The following TENM2 variants were observed in gnomAD, a reference collection of about 807,000 sequenced individuals.
TENM2 encodes the protein teneurin-2.
In TENM2, 52 loss-of-function variants were observed where a neutral mutation model predicts 245.2. The observed-to-expected ratio is 0.21, with a 90% CI of 0.17 to 0.27. The LOEUF (loss-of-function observed/expected upper bound fraction) is 0.27, where lower values mean the gene tolerates loss of function less well. Ranked by LOEUF, TENM2 falls within the 10% of genes least tolerant of loss-of-function variation. TENM2 has a pLI of 1.00. For missense variants in TENM2, 3,046 were observed against 3,666.8 expected, an observed-to-expected ratio of 0.83 and a Z score of 4.37; for synonymous variants, 1,363 against 1,438.9, an observed-to-expected ratio of 0.95 and a Z score of 1.19.
In TENM2 at chr5:168,004,214, G is replaced by T. The variant is rs545956069; in HGVS notation, c.1186+11032G>T. 3.3e-5 allele frequency among the ~76,000 whole-genome samples: 5 copies of T among 152,258 alleles called. No individual in the cohort carries two copies. In the South Asian group the frequency reaches 1.0e-3, roughly 32 times the overall value. ...GATTTGTAAAAAAATCTACATAAGG[G>T]AGAATTATTTTATACCAGACCCTTC... On this transcript the variant is annotated intron_variant, in intron 5 of 28. Coordinates refer to ENST00000518659, the Ensembl canonical transcript of TENM2.
chr5:168,041,028 G>T (rs1400254275), intron 5 of TENM2, among the ~76,000 whole-genome samples: 12 of 152,196 alleles, frequency 7.9e-5, no homozygotes, highest in African/African-American at 2.9e-4. Context: ...TATTTAGTAA[G>T]TAAGTGATTC....
intron 2 of TENM2, among the ~76,000 whole-genome samples, chr5:167,481,806 G>A (rs966241305): frequency 4.6e-5 from 7 of 152,110 alleles, no homozygotes; most frequent in African/African-American, 1.2e-4. Flanking sequence ...TACTAGACTG[G>A]TATTACAAAA....
intron 5 of TENM2, among the ~76,000 whole-genome samples, chr5:168,036,926 C>G (rs1425757407): frequency 6.6e-6 from 1 of 151,842 alleles, no homozygotes; most frequent in Admixed American, 6.6e-5. Flanking sequence ...CAGATTAGCT[C>G]TTTCCTCATA....
chr5:167,075,405 G>A, the TENM2 span, among the ~76,000 whole-genome samples: 6 of 152,156 alleles, frequency 3.9e-5, no homozygotes, highest in Non-Finnish European at 8.8e-5. Context: ...TGACAAGACG[G>A]TTTTTTGGTG....
intron 10 of TENM2, among the ~76,000 whole-genome samples, chr5:168,123,657 T>C (rs1795640864): frequency 6.6e-6 from 1 of 152,220 alleles, no homozygotes; most frequent in Non-Finnish European, 1.5e-5. Flanking sequence ...TCCTTTAATC[T>C]GGGCCAACAG....
intron 3 of TENM2, among the ~76,000 whole-genome samples, chr5:167,918,238 C>T (rs1777094740): frequency 6.6e-6 from 1 of 152,128 alleles, no homozygotes; most frequent in African/African-American, 2.4e-5. Context: ...CAAACAGTTA[C>T]CATAGGTCCT....
chr5:167,602,531 T>C (rs1003915214), intron 2 of TENM2, among the ~76,000 whole-genome samples: 4 of 152,170 alleles, frequency 2.6e-5, no homozygotes, highest in Non-Finnish European at 2.9e-5. Flanking sequence ...CCAGTAAGCA[T>C]TGGGGGTTTG....
chr5:168,239,457 T>G (rs953741131), intron 25 of TENM2, among the ~76,000 whole-genome samples: 1 of 152,198 alleles, frequency 6.6e-6, no homozygotes, highest in East Asian at 1.9e-4. Context: ...TACTTCTTTA[T>G]AGTTGGTGCA....
chr5:167,245,503 CT>C, the TENM2 span, among the ~76,000 whole-genome samples: 1 of 137,498 alleles, frequency 7.3e-6, no homozygotes, highest in African/African-American at 2.9e-5. Flanking sequence ...CCCAGCCAGC[CT>C]TTTCTTTTTC....
intron 3 of TENM2, among the ~76,000 whole-genome samples, chr5:167,897,254 T>C (rs1662260247): frequency 6.6e-6 from 1 of 151,420 alleles, no homozygotes; most frequent in Non-Finnish European, 1.5e-5. Context: ...TTCATTTGGC[T>C]CTTAAGTCTC....
chr5:167,831,421 A>G (rs1396884411), intron 2 of TENM2, among the ~76,000 whole-genome samples: 1 of 151,634 alleles, frequency 6.6e-6, no homozygotes, highest in East Asian at 1.9e-4. Flanking sequence ...TAGTGGTTGC[A>G]GAGCATGCCA....
intron 2 of TENM2, among the ~76,000 whole-genome samples, chr5:167,463,573 AG>A (rs1335008431): frequency 1.3e-5 from 2 of 151,680 alleles, no homozygotes; most frequent in African/African-American, 4.8e-5. Context: ...ATCTTGGCTC[AG>A]TGCAACCTCC....
chr5:168,135,690 T>C (rs1754988561), intron 12 of TENM2, among the ~76,000 whole-genome samples: 1 of 151,840 alleles, frequency 6.6e-6, no homozygotes, highest in South Asian at 2.1e-4. Context: ...CAAGAGAAAA[T>C]GCATTTAGTT....
At chr5:167,192,426 A>G in the TENM2 span, among the ~76,000 whole-genome samples, 1 of 152,104 alleles carries the variant, frequency 6.6e-6, no homozygotes, top group Non-Finnish European at 1.5e-5. Context: ...GCATACACTT[A>G]TAAGAGCCAA....
the TENM2 span, among the ~76,000 whole-genome samples, chr5:167,163,109 T>G: frequency 6.6e-6 from 1 of 152,180 alleles, no homozygotes; most frequent in African/African-American, 2.4e-5. Flanking sequence ...ACCTCCTTTT[T>G]TATTCTTCAG....
At chr5:168,228,001 C>T (rs893425424) in exon 25 of TENM2, 21 of 1,613,678 alleles carry the variant, frequency 1.3e-5, no homozygotes, top group African/African-American at 4.0e-5. Flanking sequence ...TCCTAGCGGG[C>T]ACCATCACCC....
chr5:167,242,249 C>A, the TENM2 span, among the ~76,000 whole-genome samples: 3 of 152,064 alleles, frequency 2.0e-5, no homozygotes, highest in Non-Finnish European at 2.9e-5. Context: ...GGGGTTTCCC[C>A]ATGTTGGCCA....
chr5:167,654,438 C>T (rs1754697653), intron 2 of TENM2, among the ~76,000 whole-genome samples: 1 of 151,972 alleles, frequency 6.6e-6, no homozygotes, highest in South Asian at 2.1e-4. Flanking sequence ...CTGGGCACCT[C>T]ACTTGCTTTA....
At chr5:168,253,429 AT>A (rs752953865) in intron 27 of TENM2, among the ~76,000 whole-genome samples, 101 of 131,592 alleles carry the variant, frequency 7.7e-4, no homozygotes, top group South Asian at 4.4e-3. Context: ...TCATTATTTT[AT>A]TTTTTTTTTT....
Sources: allele counts gnomAD v4.1 joint callset (sites outside exome capture counted in the v4.1 genomes callset), GRCh38; gene constraint gnomAD v4.1.1; transcripts MANE v1.5; gene names NCBI Gene and HGNC (gene_info 2026-07-23, HGNC 2026-07-21).